Variants in MAP3K13 observed in about 807,000 individuals in gnomAD.
MAP3K13 encodes the protein mitogen-activated protein kinase kinase kinase 13, also known as leucine zipper-bearing kinase.
In MAP3K13, 52 loss-of-function variants were observed where a neutral mutation model predicts 104.0. That is an observed-to-expected ratio of 0.50 (90% CI 0.40 to 0.63). The LOEUF (loss-of-function observed/expected upper bound fraction) is 0.63. Ranked by LOEUF, MAP3K13 falls within the 20% of genes least tolerant of loss-of-function variation. The pLI is 0.00. For missense variants in MAP3K13, 914 were observed against 1,218.5 expected, an observed-to-expected ratio of 0.75 and a Z score of 3.72; for synonymous variants, 394 against 442.2, an observed-to-expected ratio of 0.89 and a Z score of 1.37.
At chr3:185,289,018 C>T (rs902318299) in intron 2 of MAP3K13, among the ~76,000 whole-genome samples, 4 of 152,074 alleles carry the variant, frequency 2.6e-5, no homozygotes, top group African/African-American at 4.8e-5. Flanking sequence ...TTTTACTCAA[C>T]GTTTTGATCC....
Position 185,418,653 on chromosome 3 carries a change from G to A in MAP3K13, c.-85-9844G>A. On this transcript the variant is annotated intron_variant, in intron 1 of 13. Transcript: ENST00000265026. The surrounding 1 kb of genome is among the most constrained non-coding windows in gnomAD (Gnocchi z 4.5). ...GCTGTCTGTTGTTTTTGCGCAAGTT[G>A]GTGTGAACAAAGTTCACAATATCTG... 3.1e-6 allele frequency: 5 copies of A among 1,611,708 alleles called. No homozygotes were observed. In the South Asian group the frequency reaches 4.4e-5, roughly 14 times the overall value.
chr3:185,432,819 C>T (rs1714823551), intron 2 of MAP3K13, among the ~76,000 whole-genome samples: 1 of 152,160 alleles, frequency 6.6e-6, no homozygotes, highest in Admixed American at 6.5e-5. Flanking sequence ...AAGAAACAGC[C>T]CTGGTCAGCT....
chr3:185,455,806 GAGAT>G (rs1329666327), intron 7 of MAP3K13, among the ~76,000 whole-genome samples: 13 of 94,342 alleles, frequency 1.4e-4, no homozygotes, highest in African/African-American at 5.3e-4. Context: ...TGAGATATAT[GAGAT>G]ATATATATGA....
chr3:185,384,441 C>T (rs1461379531), intron 1 of MAP3K13, among the ~76,000 whole-genome samples: 1 of 151,994 alleles, frequency 6.6e-6, no homozygotes, highest in African/African-American at 2.4e-5. Context: ...ATGCAGGTAT[C>T]CCTTTGATAC....
intron 13 of MAP3K13, among the ~76,000 whole-genome samples, chr3:185,480,897 G>A (rs1244696731): frequency 1.3e-5 from 2 of 152,152 alleles, no homozygotes; most frequent in Non-Finnish European, 2.9e-5. Context: ...TCACTATCAT[G>A]AGAATAGCAA....
intron 12 of MAP3K13, 129 bp from the exon 13 acceptor site, chr3:185,480,103 T>C: frequency 1.2e-6 from 1 of 840,060 alleles, no homozygotes; most frequent in Non-Finnish European, 1.9e-6. Context: ...TCTACCTATC[T>C]TGATTTCTTA....
At chr3:185,337,688 C>T (rs9858538) in intron 2 of MAP3K13, among the ~76,000 whole-genome samples, 101,640 of 152,016 alleles carry the variant, frequency 0.67, 35,621 homozygotes, top group Middle Eastern at 0.79. Context: ...TGGACCTAGT[C>T]ACTGAAACTT....
intron 1 of MAP3K13, among the ~76,000 whole-genome samples, chr3:185,382,515 G>T (rs1724775800): frequency 6.6e-6 from 1 of 152,106 alleles, no homozygotes; most frequent in Non-Finnish European, 1.5e-5. Context: ...AAAATTGAAG[G>T]TAGTATAAAA....
intron 10 of MAP3K13, among the ~76,000 whole-genome samples, chr3:185,472,130 ATT>A (rs146604831): frequency 6.7e-6 from 1 of 150,140 alleles, no homozygotes; most frequent in Non-Finnish European, 1.5e-5. Context: ...AGTAAGATGA[ATT>A]TTTTTCCTCA....
At position 185,465,770 on chromosome 3, in the gene MAP3K13, A is replaced by G. The variant is rs746580786; in HGVS notation, c.1412A>G (p.His471Arg). 6.2e-7 allele frequency: 1 copy of G among 1,613,884 alleles called. No homozygotes were observed. The highest frequency in any genetic ancestry group is 8.5e-7 in the Non-Finnish European group (1 of 1,179,864). Residue 471 changes from histidine (H) to arginine (R), a missense_variant, in exon 9 of 14, where the codon CAC becomes CGC. Around this residue, in one of 3 missense-constraint regions of MAP3K13, gnomAD observed 583 missense variants for 737.4 expected, o/e 0.79. Transcript: ENST00000265026. ...ELRHALDIRE[H>R]YERKLERANN... ...AGGCATGCGCTGGATATTCGTGAAC[A>G]CTATGAGCGGAAGCTTGAGCGGGCG...
At chr3:185,286,841 A>G (rs892667918) in intron 2 of MAP3K13, among the ~76,000 whole-genome samples, 2 of 151,910 alleles carry the variant, frequency 1.3e-5, no homozygotes, top group Non-Finnish European at 2.9e-5. Context: ...TTTTCCATAT[A>G]CTATTTCTGC....
chr3:185,292,805 A>T, intron 2 of MAP3K13: 1 of 985,332 alleles, frequency 1.0e-6, no homozygotes, highest in Non-Finnish European at 1.2e-6. Context: ...TCTAAGAAGG[A>T]GCACGAATAT....
intron 4 of MAP3K13, 114 bp from the exon 5 acceptor site, chr3:185,447,675 C>CTGAA: frequency 1.3e-6 from 1 of 758,450 alleles, no homozygotes; most frequent in East Asian, 2.7e-5. Context: ...AAACTGCAAG[C>CTGAA]TGAATGCTAC....
intron 2 of MAP3K13, among the ~76,000 whole-genome samples, chr3:185,334,819 G>A (rs1722418751): frequency 2.6e-5 from 4 of 152,022 alleles, no homozygotes; most frequent in Admixed American, 2.0e-4. Context: ...ATGTTGGCCA[G>A]GCTAGTCTCG....
chr3:185,461,884 A>AT (rs11419847), intron 7 of MAP3K13, among the ~76,000 whole-genome samples: 114,011 of 151,628 alleles, frequency 0.75, 44,236 homozygotes, highest in Non-Finnish European at 0.86. Context: ...GATTGCTATT[A>AT]TTTTTTTTAA....
chr3:185,442,953 C>T (rs775718301), intron 3 of MAP3K13, among the ~76,000 whole-genome samples: 1 of 152,138 alleles, frequency 6.6e-6, no homozygotes, highest in Non-Finnish European at 1.5e-5. Context: ...AGTTCTCTGC[C>T]TCAGTCTCCT....
chr3:185,366,503 G>T (rs1365810424), intron 1 of MAP3K13, among the ~76,000 whole-genome samples: 1 of 152,134 alleles, frequency 6.6e-6, no homozygotes, highest in Non-Finnish European at 1.5e-5. Context: ...ACATTTTCAG[G>T]AGATGCCAAA....
chr3:185,442,724 C>T (rs6444070), intron 3 of MAP3K13, among the ~76,000 whole-genome samples: 123,222 of 151,892 alleles, frequency 0.81, 51,115 homozygotes, highest in East Asian at 0.91. Flanking sequence ...AGTAGAGACG[C>T]GGTTTCACCA....
intron 2 of MAP3K13, chr3:185,291,922 A>T: frequency 8.7e-7 from 1 of 1,148,984 alleles, no homozygotes; most frequent in Non-Finnish European, 1.1e-6. Flanking sequence ...AAAAAAAAAA[A>T]ATGTGTTCTG....
Sources: allele counts gnomAD v4.1 joint callset (sites outside exome capture counted in the v4.1 genomes callset), GRCh38; gene constraint gnomAD v4.1.1; regional missense constraint gnomAD v4.1.1; non-coding constraint Gnocchi (gnomAD v3.1); transcripts MANE v1.5; gene names NCBI Gene and HGNC (gene_info 2026-07-23, HGNC 2026-07-21).